Variants in YTHDF2 observed in about 807,000 individuals in gnomAD.
The protein encoded by YTHDF2 is YTH domain-containing family protein 2.
A neutral mutation model predicts 50.4 loss-of-function variants in YTHDF2; 2 were observed. The observed-to-expected ratio is 0.04, with a 90% CI of 0.02 to 0.12. The LOEUF (loss-of-function observed/expected upper bound fraction) is 0.12. Among genes scored for constraint, YTHDF2 ranks in the 10% least tolerant of loss-of-function variants. YTHDF2 has a pLI of 1.00. For missense variants in YTHDF2, 483 were observed against 722.6 expected, an observed-to-expected ratio of 0.67 and a Z score of 3.80; for synonymous variants, 217 against 255.6, an observed-to-expected ratio of 0.85 and a Z score of 1.44.
In YTHDF2 at chr1:28,736,974, G is replaced by T; in HGVS notation, c.-147G>T. ...CCGAGTCGGAGCCGGAGCCTGAGCC[G>T]CGCGCTGTGTCTCCGCTGCGTCCGC... On this transcript the variant is annotated 5_prime_UTR_variant, in exon 1 of 5. Transcript: ENST00000373812. 1.0e-6 allele frequency: 1 copy of T among 994,864 alleles called. No individual in the cohort carries two copies. Among genetic ancestry groups the T allele is most frequent in the Non-Finnish European group, 1.5e-6 (1 of 682,082 alleles). The allele number at this position is 994,864 out of a possible 1,614,324, so 61.6% of individuals were successfully genotyped here.
chr1:28,754,469 G>T (rs1457442771), intron 4 of YTHDF2, among the ~76,000 whole-genome samples: 2 of 152,098 alleles, frequency 1.3e-5, no homozygotes, highest in African/African-American at 4.8e-5. Flanking sequence ...GGCGGAGTTT[G>T]CAGTGAGCTG....
At chr1:28,761,309 A>G (rs2088126338) in intron 4 of YTHDF2, among the ~76,000 whole-genome samples, 1 of 152,036 alleles carries the variant, frequency 6.6e-6, no homozygotes, top group African/African-American at 2.4e-5. Flanking sequence ...GCTAATTAAA[A>G]AAACTTTTTG....
chr1:28,763,901 A>T (rs1254952647), intron 4 of YTHDF2, among the ~76,000 whole-genome samples: 3 of 149,542 alleles, frequency 2.0e-5, no homozygotes, highest in Non-Finnish European at 4.4e-5. Context: ...ATATACTTTA[A>T]CTCATGCCAG....
chr1:28,738,232 C>T, intron 2 of YTHDF2, 27 bp from the exon 3 acceptor site: 13 of 1,551,124 alleles, frequency 8.4e-6, no homozygotes, highest in Non-Finnish European at 1.2e-5. Context: ...GATTGGGACA[C>T]TCCTAATTGA....
At chr1:28,764,700 C>T (rs1395274180) in intron 4 of YTHDF2, among the ~76,000 whole-genome samples, 1 of 151,876 alleles carries the variant, frequency 6.6e-6, no homozygotes, top group African/African-American at 2.4e-5. Flanking sequence ...GGCCATCGTG[C>T]CTGGCCTCAA....
At chr1:28,746,330 G>C (rs1020363599) in intron 4 of YTHDF2, among the ~76,000 whole-genome samples, 1 of 152,180 alleles carries the variant, frequency 6.6e-6, no homozygotes, top group Non-Finnish European at 1.5e-5. Context: ...TGAATTTAAT[G>C]CACAGCATAG....
In YTHDF2 at chr1:28,743,184, A is replaced by G; in HGVS notation, c.914A>G (p.Gln305Arg). 6.2e-7 allele frequency: 1 copy of G among 1,614,178 alleles called. No individual in the cohort carries two copies. The highest frequency in any genetic ancestry group is 1.1e-5 in the South Asian group (1 of 91,082). The change falls in exon 4 of 5, where the codon CAG becomes CGG. Residue 305 changes from glutamine (Q) to arginine (R), a missense_variant. This residue lies in a region of YTHDF2 where 385 missense variants were observed against 475.8 expected (regional missense o/e 0.81). Transcript: ENST00000373812. The surrounding 1 kb of genome is among the most constrained non-coding windows in gnomAD (Gnocchi z 6.9). ...GGTCAGCCAACCCAGGGGTCTCCTC[A>G]GCCTGTAGGTCAGCAGGCTAACAAT... is the stretch of plus-strand genomic sequence containing the variant. ...NIGQPTQGSP[Q>R]PVGQQANNSP...
chr1:28,744,344 A>G (rs17340752), intron 4 of YTHDF2, among the ~76,000 whole-genome samples: 24,940 of 152,192 alleles, frequency 0.16, 2,611 homozygotes, highest in Middle Eastern at 0.28. Flanking sequence ...AGTCTATAAT[A>G]TGGCAGAGAA....
intron 4 of YTHDF2, among the ~76,000 whole-genome samples, chr1:28,753,398 A>AAAAAAAAAC (rs2087987724): frequency 1.8e-5 from 2 of 108,862 alleles, no homozygotes; most frequent in African/African-American, 3.7e-5. Flanking sequence ...AAAAAAAAAA[A>AAAAAAAAAC]TCAGCCAGGT....
At chr1:28,757,988 C>T (rs918297854) in intron 4 of YTHDF2, among the ~76,000 whole-genome samples, 1 of 152,108 alleles carries the variant, frequency 6.6e-6, no homozygotes, top group Non-Finnish European at 1.5e-5. Context: ...TCTTCATCTT[C>T]CAAGTAGAGA....
intron 4 of YTHDF2, among the ~76,000 whole-genome samples, chr1:28,756,812 T>G (rs533123011): frequency 6.6e-6 from 1 of 151,924 alleles, no homozygotes; most frequent in East Asian, 1.9e-4. Flanking sequence ...CCTGCCTGCC[T>G]TTAAGGGACA....
At chr1:28,744,780 C>G (rs1430828458) in intron 4 of YTHDF2, among the ~76,000 whole-genome samples, 2 of 152,076 alleles carry the variant, frequency 1.3e-5, no homozygotes, top group Non-Finnish European at 2.9e-5. Flanking sequence ...GTGATCCCCC[C>G]ATCTCAGCTT....
At chr1:28,748,053 A>T (rs1356739010) in intron 4 of YTHDF2, among the ~76,000 whole-genome samples, 2 of 150,944 alleles carry the variant, frequency 1.3e-5, no homozygotes, top group African/African-American at 4.9e-5. Context: ...GCGTGAACCC[A>T]GGGGGCGGAG....
rs1165935946 is a variant in YTHDF2 at position 28,738,181 on chromosome 1, C to T, written c.53-78C>T. On this transcript the variant is annotated intron_variant, in intron 2 of 4. Coordinates refer to ENST00000373812, the MANE Select transcript of YTHDF2 (RefSeq NM_016258.3). ...CTTTGTTAACTAGTAAGGTTTTTCT[C>T]TGGTTAGCATATATGAACTAATTTG... The T allele has an allele frequency of 6.0e-6, 7 of 1,163,864 alleles. No individual in the cohort carries two copies. In the East Asian group the frequency reaches 7.2e-5, roughly 12 times the overall value. 72.1% of individuals were successfully genotyped at this position (1,163,864 alleles called of 1,614,324 possible).
At chr1:28,737,469 C>G (rs1415590188) in intron 1 of YTHDF2, 189 bp from the exon 2 acceptor site, 2 of 765,486 alleles carry the variant, frequency 2.6e-6, no homozygotes, top group Non-Finnish European at 4.0e-6. Context: ...GCCGCGTTTT[C>G]TCCCCTGCCC....
chr1:28,761,125 G>A (rs1452912809), intron 4 of YTHDF2, among the ~76,000 whole-genome samples: 11 of 109,128 alleles, frequency 1.0e-4, no homozygotes, highest in East Asian at 4.3e-4. Context: ...GTGTGTGTGT[G>A]TGTGTATTTT....
Position 28,743,403 on chromosome 1 carries a change from C to G in YTHDF2, c.1133C>G (p.Ser378Cys). The change falls in exon 4 of 5, where the codon TCT (serine) becomes TGT (cysteine). Residue 378 changes from serine to cysteine, a missense_variant. By Grantham distance (112) the Ser-to-Cys change is moderately radical (BLOSUM62 -1). Transcript: ENST00000373812. This position sits in a 1 kb window ranked among gnomAD's most constrained non-coding sequence, Gnocchi z 6.9. ...GGAGTAGGACAGTCTCAGGCTGGTT[C>G]TGGATCTACTCCTTCAGAACCCCAC... is the stretch of plus-strand genomic sequence containing the variant. ...GNGVGQSQAG[S>C]GSTPSEPHPV... 6.2e-7 allele frequency: 1 copy of G among 1,614,156 alleles called. No individual in the cohort carries two copies. The highest frequency in any genetic ancestry group is 8.5e-7 in the Non-Finnish European group (1 of 1,180,036).
intron 4 of YTHDF2, among the ~76,000 whole-genome samples, chr1:28,760,317 C>A (rs1381303816): frequency 7.5e-6 from 1 of 133,236 alleles, no homozygotes; most frequent in East Asian, 2.6e-4. Context: ...GTGTGTGTGA[C>A]GGAGTCTTGC....
intron 2 of YTHDF2, among the ~76,000 whole-genome samples, chr1:28,737,994 G>A (rs2087721855): frequency 6.6e-6 from 1 of 152,012 alleles, no homozygotes. Flanking sequence ...GTACTCTCAT[G>A]TGATGGGGGA....
Sources: allele counts gnomAD v4.1 joint callset (sites outside exome capture counted in the v4.1 genomes callset), GRCh38; gene constraint gnomAD v4.1.1; regional missense constraint gnomAD v4.1.1; non-coding constraint Gnocchi (gnomAD v3.1); transcripts MANE v1.5; gene names NCBI Gene and HGNC (gene_info 2026-07-23, HGNC 2026-07-21).